Variants in TCF20 observed in about 807,000 individuals in gnomAD.
TCF20 encodes the protein transcription factor 20.
A neutral mutation model predicts 148.6 loss-of-function variants in TCF20; 3 were observed. The ratio of observed to expected loss-of-function variants is 0.02; its 90% CI spans 0.01 to 0.05. The LOEUF (loss-of-function observed/expected upper bound fraction) is 0.05, where lower values mean the gene tolerates loss of function less well. Among genes scored for constraint, TCF20 ranks in the 10% least tolerant of loss-of-function variants. The pLI, the probability that TCF20 is intolerant of heterozygous loss-of-function variation, is 1.00. For missense variants in TCF20, 2,350 were observed against 2,429.3 expected (o/e 0.97, Z 0.69); for synonymous variants, 1,049 against 909.5 (o/e 1.15, Z -2.76).
chr22:42,332,511 C>A (rs1927995116), intron 1 of TCF20, among the ~76,000 whole-genome samples: 2 of 152,086 alleles, frequency 1.3e-5, no homozygotes, highest in Non-Finnish European at 2.9e-5. Context: ...TTCTTTCTTT[C>A]TTTTTTTGAG....
chr22:42,280,219 C>T (rs560135606), intron 1 of TCF20, among the ~76,000 whole-genome samples: 50 of 152,360 alleles, frequency 3.3e-4, no homozygotes, highest in African/African-American at 1.2e-3. Context: ...AGAGCAGTGG[C>T]GGGCCTGAGA....
chr22:42,324,900 T>C (rs1291264556), intron 1 of TCF20, among the ~76,000 whole-genome samples: 5 of 152,218 alleles, frequency 3.3e-5, no homozygotes, highest in Admixed American at 2.6e-4. Context: ...ATGGGGAATA[T>C]GGCCTGCCTC....
At chr22:42,195,594 G>A (rs925323927) in intron 2 of TCF20, among the ~76,000 whole-genome samples, 40 of 150,340 alleles carry the variant, frequency 2.7e-4, no homozygotes, top group African/African-American at 8.8e-4. Flanking sequence ...TCCACCTCCC[G>A]GTTCAAGCGA....
intron 1 of TCF20, among the ~76,000 whole-genome samples, chr22:42,217,395 C>CT (rs1921920641): frequency 6.6e-6 from 1 of 152,190 alleles, no homozygotes; most frequent in Admixed American, 6.5e-5. Context: ...AGCTCCACAC[C>CT]TTTTCCCTGG....
intron 2 of TCF20, among the ~76,000 whole-genome samples, chr22:42,189,551 C>T (rs1176686514): frequency 6.6e-6 from 1 of 152,180 alleles, no homozygotes; most frequent in Admixed American, 6.5e-5. Context: ...GTAAATAGCT[C>T]AGGGTTTTGA....
chr22:42,275,486 C>T (rs1306594326), upstream of TCF20, among the ~76,000 whole-genome samples: 1 of 152,208 alleles, frequency 6.6e-6, no homozygotes, highest in African/African-American at 2.4e-5. Flanking sequence ...TCTCATCGGG[C>T]CAGTCACTGA....
chr22:42,196,370 A>C (rs2033364456), intron 2 of TCF20, among the ~76,000 whole-genome samples: 1 of 152,212 alleles, frequency 6.6e-6, no homozygotes, highest in African/African-American at 2.4e-5. Flanking sequence ...AAGAGGAGGG[A>C]GACACAAAGT....
At chr22:42,287,777 T>C (rs2147023141), upstream of TCF20, among the ~76,000 whole-genome samples, 3 of 152,184 alleles carry the variant, frequency 2.0e-5, no homozygotes, top group South Asian at 6.2e-4. Context: ...GTTACATTGC[T>C]TGCATGGGAA....
upstream of TCF20, chr22:42,274,511 T>G: frequency 1.3e-5 from 2 of 152,080 alleles, no homozygotes; most frequent in East Asian, 3.9e-4. Flanking sequence ...TACCAAGACT[T>G]AGGGGTGTGG....
chr22:42,210,095 T>C lies in TCF20; in HGVS notation c.5211A>G (p.Pro1737=), dbSNP rs1464218244. ...GCATTTCTGTGGCCCTCTTAGGAGGTGGATTCTTCGGGAGAGTGGCTGCAT... is the reference window on the plus strand; with the variant it reads ...GCATTTCTGTGGCCCTCTTAGGAGGCGGATTCTTCGGGAGAGTGGCTGCAT... ...QDYAATLPKN[P]PPKRATEMQS... The change falls in exon 2 of 6, where the codon CCA becomes CCG. Residue 1737 remains proline (P), a synonymous_variant. Coordinates refer to ENST00000677622, the MANE Select transcript of TCF20 (RefSeq NM_001378418.1). The surrounding 1 kb of genome is among the most constrained non-coding windows in gnomAD (Gnocchi z 4.7). The C allele has an allele frequency of 2.5e-6, 4 of 1,613,808 alleles. No individual in the cohort carries two copies. Among genetic ancestry groups the C allele is most frequent in the Non-Finnish European group, 3.4e-6 (4 of 1,180,016 alleles).
At chr22:42,271,894 CCTG>C (rs1295796721), upstream of TCF20, among the ~76,000 whole-genome samples, 2 of 152,208 alleles carry the variant, frequency 1.3e-5, no homozygotes, top group Non-Finnish European at 2.9e-5. Flanking sequence ...CTTCCCGGGG[CCTG>C]CTTTTACTTT....
Position 42,211,123 on chromosome 22 carries a change from C to T in TCF20, c.4183G>A (p.Gly1395Ser), listed in dbSNP as rs1920949093. Residue 1395 changes from glycine to serine, a missense_variant, in exon 2 of 6, where the codon GGT becomes AGT. By Grantham distance (56) the Gly-to-Ser change is moderately conservative (BLOSUM62 0). Transcript: ENST00000677622. Reference protein sequence around the residue: ...ILSLKSGPPEGGSVAVQDADI... With the variant: ...ILSLKSGPPESGSVAVQDADI... ...GCATCCTGAACAGCAACACTCCCAC[C>T]TTCAGGAGGACCACTCTTCAAAGAC... 1 of 1,614,086 alleles carries T rather than the reference C, an allele frequency of 6.2e-7. No homozygotes were observed.
At chr22:42,225,590 C>T (rs377198033) in intron 1 of TCF20, among the ~76,000 whole-genome samples, 16 of 142,664 alleles carry the variant, frequency 1.1e-4, no homozygotes, top group African/African-American at 3.7e-4. Context: ...GTCCGCAGTC[C>T]GGCCTGGGCG....
At chr22:42,284,683 C>A (rs1157776045), upstream of TCF20, among the ~76,000 whole-genome samples, 1 of 152,188 alleles carries the variant, frequency 6.6e-6, no homozygotes, top group Non-Finnish European at 1.5e-5. Flanking sequence ...ACCTTTTGTC[C>A]CAAGTCCCAT....
In TCF20 at chr22:42,299,594, T is replaced by C. The variant is rs148109145; in HGVS notation, c.-37+43885A>G. 6.6e-6 allele frequency among the ~76,000 whole-genome samples: 1 copy of C among 152,258 alleles called. No individual in the cohort carries two copies. Among genetic ancestry groups the C allele is most frequent in the Non-Finnish European group, 1.5e-5 (1 of 68,006 alleles). Reference sequence around the variant, plus strand: ...ATGTCCCACTGGTCACCAGTCCCTCTTGCCTTTCTGTCCCAGCTAGCAGCT... The same window carrying C: ...ATGTCCCACTGGTCACCAGTCCCTCCTGCCTTTCTGTCCCAGCTAGCAGCT... On this transcript the variant is annotated intron_variant, in intron 1 of 1. Transcript: ENST00000515426. This position sits in a 1 kb window ranked among gnomAD's most constrained non-coding sequence, Gnocchi z 4.1.
At chr22:42,272,092 G>A (rs192367376), upstream of TCF20, among the ~76,000 whole-genome samples, 117 of 152,276 alleles carry the variant, frequency 7.7e-4, no homozygotes, top group African/African-American at 2.6e-3. Flanking sequence ...AGCAGGTCAG[G>A]ACTATTCCTG....
chr22:42,193,055 C>T (rs908300340), intron 2 of TCF20, among the ~76,000 whole-genome samples: 9 of 152,144 alleles, frequency 5.9e-5, no homozygotes, highest in African/African-American at 2.2e-4. Flanking sequence ...TGGTTCAATT[C>T]ATCTTCATAG....
chr22:42,240,876 CAG>C (rs1924332644), intron 1 of TCF20, among the ~76,000 whole-genome samples: 1 of 151,526 alleles, frequency 6.6e-6, no homozygotes, highest in Non-Finnish European at 1.5e-5. Flanking sequence ...TTTTCTGAGA[CAG>C]AGTCTTGCTC....
chr22:42,162,382 G>A (rs1465913971), intron 5 of TCF20, among the ~76,000 whole-genome samples: 1 of 152,042 alleles, frequency 6.6e-6, no homozygotes. Flanking sequence ...TAATCCTTTC[G>A]ACCTCTCAGG....
Sources: allele counts gnomAD v4.1 joint callset (sites outside exome capture counted in the v4.1 genomes callset), GRCh38; gene constraint gnomAD v4.1.1; non-coding constraint Gnocchi (gnomAD v3.1); transcripts MANE v1.5; gene names NCBI Gene and HGNC (gene_info 2026-07-23, HGNC 2026-07-21).